ABCA6: variants seen among roughly 807,000 people sequenced by gnomAD.
ABCA6 encodes the protein ATP-binding cassette sub-family A member 6.
Under a neutral mutation model 191.2 loss-of-function variants are expected in ABCA6, and 164 were observed. The ratio of observed to expected loss-of-function variants is 0.86; its 90% CI spans 0.76 to 0.98. The LOEUF is 0.98. Among genes scored for constraint, ABCA6 ranks in the 50% least tolerant of loss-of-function variants. ABCA6 has a pLI of 0.00. For synonymous variants in ABCA6, 636 were observed against 647.7 expected, an observed-to-expected ratio of 0.98 and a Z score of 0.27; for missense variants, 1,958 against 1,894.1, an observed-to-expected ratio of 1.03 and a Z score of -0.63.
chr17:69,083,298 C>T lies in ABCA6; in HGVS notation c.4389G>A (p.Glu1463=), dbSNP rs758022121. The change falls in exon 35 of 39, where the codon GAG becomes GAA. Residue 1463 remains glutamate, a synonymous_variant. Coordinates refer to ENST00000284425, the MANE Select transcript of ABCA6 (RefSeq NM_080284.3). ...QAIQAVVKNT[E]RGVLLTTHNL... The stretch of plus-strand genomic sequence containing the variant: ...TATGGGTGGTCAGGAGGACACCTCT[C>T]TCTGTGTTTTTAACGACTGCCTGGA... 2 of 1,602,794 alleles carry T rather than the reference C, an allele frequency of 1.2e-6. No homozygotes were observed. The highest frequency in any genetic ancestry group is 1.8e-5 in the Admixed American group (1 of 56,156).
intron 7 of ABCA6, 26 bp downstream of exon 7, chr17:69,129,584 A>C (rs1192096225): frequency 6.4e-7 from 1 of 1,552,526 alleles, no homozygotes; most frequent in Non-Finnish European, 8.8e-7. Context: ...AAAGCAGAGA[A>C]AGTGGTAATA....
intron 13 of ABCA6, 102 bp from the exon 14 acceptor site, chr17:69,113,839 A>C: frequency 1.0e-6 from 1 of 961,920 alleles, no homozygotes; most frequent in East Asian, 2.9e-5. Context: ...GCCATCAGAG[A>C]AATGCAAATC....
At chr17:69,105,935 G>A in intron 19 of ABCA6, 93 bp downstream of exon 19, 1 of 1,347,326 alleles carries the variant, frequency 7.4e-7, no homozygotes, top group Non-Finnish European at 1.0e-6. Context: ...TGGCAGGAAT[G>A]TCAGATATTG....
chr17:69,136,238 A>G lies in ABCA6; in HGVS notation c.314T>C (p.Ile105Thr), dbSNP rs978412661. 3.2e-6 allele frequency: 5 copies of G among 1,565,590 alleles called. No individual in the cohort carries two copies. Among genetic ancestry groups the G allele is most frequent in the Non-Finnish European group, 3.5e-6 (4 of 1,156,526 alleles). The change falls in exon 4 of 39, where the codon ATT becomes ACT. Residue 105 changes from isoleucine (I) to threonine (T), a missense_variant. Ile to Thr is a moderately conservative substitution (Grantham distance 89). Coordinates refer to ENST00000284425, the MANE Select transcript of ABCA6 (RefSeq NM_080284.3). Reference sequence around the variant, plus strand: ...CATGTGTGTTTTATTTGGTGCCCCAATGACACTTGTTCCTGTGAATTACAA... The same window carrying G: ...CATGTGTGTTTTATTTGGTGCCCCAGTGACACTTGTTCCTGTGAATTACAA... ...LAPLLKGTSVIGAPNKTHMDE... is the reference protein window; with the variant it reads ...LAPLLKGTSVTGAPNKTHMDE...
intron 7 of ABCA6, among the ~76,000 whole-genome samples, chr17:69,129,040 A>G (rs1488989442): frequency 6.6e-6 from 1 of 152,132 alleles, no homozygotes; most frequent in Non-Finnish European, 1.5e-5. Flanking sequence ...GTGGGGGAAA[A>G]GCTGGAATGA....
rs753896538 is a variant in ABCA6 at position 69,140,682 on chromosome 17, C to T, written c.22G>A (p.Val8Met). The change falls in exon 2 of 39, where the codon GTG (valine) becomes ATG (methionine). Residue 8 changes from valine (V) to methionine (M), a missense_variant. By Grantham distance (21) the Val-to-Met change is conservative. Transcript: ENST00000284425. MNMKQKS[V>M]YQQTKALLCK... ...AGAAGTGCTTTGGTTTGCTGATACA[C>T]GCTTTTCTGTTTCATATTCATTTAG... 8.8e-5 allele frequency: 141 copies of T among 1,597,192 alleles called. No individual in the cohort carries two copies. Among genetic ancestry groups the T allele is most frequent in the South Asian group, 2.5e-4 (22 of 88,096 alleles).
chr17:69,085,757 A>G (rs2072771478), intron 30 of ABCA6, 41 bp from the exon 31 acceptor site: 1 of 1,352,252 alleles, frequency 7.4e-7, no homozygotes, highest in Non-Finnish European at 1.1e-6. Context: ...GAAGTGAAAT[A>G]CTGAACAACA....
chr17:69,139,705 C>T (rs905587212), intron 2 of ABCA6, among the ~76,000 whole-genome samples: 15 of 151,966 alleles, frequency 9.9e-5, no homozygotes, highest in African/African-American at 2.2e-4. Flanking sequence ...CCCAAATGTC[C>T]GACAATGATA....
At chr17:69,128,997 A>G (rs997462137) in intron 7 of ABCA6, among the ~76,000 whole-genome samples, 193 bp from the exon 8 acceptor site, 10 of 152,220 alleles carry the variant, frequency 6.6e-5, no homozygotes, top group African/African-American at 2.2e-4. Context: ...TGTTTGTCCT[A>G]CTCAAATGCC....
intron 23 of ABCA6, among the ~76,000 whole-genome samples, chr17:69,097,112 G>A (rs1264491073): frequency 6.6e-6 from 1 of 152,140 alleles, no homozygotes; most frequent in Non-Finnish European, 1.5e-5. Context: ...AATAAGTATT[G>A]GCCAGCATGG....
intron 11 of ABCA6, among the ~76,000 whole-genome samples, chr17:69,116,102 C>A (rs1049402843): frequency 6.6e-6 from 1 of 151,984 alleles, no homozygotes; most frequent in Admixed American, 6.6e-5. Flanking sequence ...AGCAATACAC[C>A]CACTTCGGGA....
Position 69,102,877 on chromosome 17 carries a change from G to T in ABCA6, c.2832C>A (p.Gly944=), listed in dbSNP as rs1214221188. 1.3e-6 allele frequency: 2 copies of T among 1,598,446 alleles called. No homozygotes were observed. The highest frequency in any genetic ancestry group is 3.5e-5 in the Admixed American group (2 of 56,602). ...CTATGATAGCTCCATTGTATGAGAGGCCATCAGTACCATTTCTGTTTTCAA... is the reference window on the plus strand; with the variant it reads ...CTATGATAGCTCCATTGTATGAGAGTCCATCAGTACCATTTCTGTTTTCAA... ...DDFENRNGTD[G]LSYNGAIIVS... The change falls in exon 21 of 39, where the codon GGC becomes GGA. Residue 944 remains glycine (G), a synonymous_variant. Coordinates refer to ENST00000284425, the MANE Select transcript of ABCA6 (RefSeq NM_080284.3).
chr17:69,087,394 T>C lies in ABCA6; in HGVS notation c.3778A>G (p.Ile1260Val), dbSNP rs748006070. ...GTGGTCAGAGCAGTGGCTGTTCTTA[T>C]TCTTTCTGTTTGAATATCTTCATCT... ...DEDEDIQTER[I>V]RTATALTTSI... Residue 1260 changes from isoleucine (I) to valine (V), a missense_variant, in exon 29 of 39, where the codon ATA becomes GTA. Physicochemically the swap from Ile to Val is conservative, Grantham distance 29. Coordinates refer to ENST00000284425, the MANE Select transcript of ABCA6 (RefSeq NM_080284.3). 3 of 1,613,994 alleles carry C rather than the reference T, an allele frequency of 1.9e-6. No individual in the cohort carries two copies. The East Asian group carries it at 6.7e-5, about 36-fold the overall frequency.
At chr17:69,127,106 A>G (rs2073767999) in intron 8 of ABCA6, among the ~76,000 whole-genome samples, 1 of 152,176 alleles carries the variant, frequency 6.6e-6, no homozygotes, top group Non-Finnish European at 1.5e-5. Flanking sequence ...GTGTAGCAAA[A>G]TTAATATTGC....
At chr17:69,096,944 G>T in intron 23 of ABCA6, 143 bp from the exon 24 acceptor site, 1 of 634,984 alleles carries the variant, frequency 1.6e-6, no homozygotes. Context: ...TGCATATACT[G>T]CTTAGTAACA....
rs79181003 is a variant in ABCA6 at position 69,090,736 on chromosome 17, T to C, written c.3528+407A>G. 5.1e-3 allele frequency among the ~76,000 whole-genome samples: 772 copies of C among 152,320 alleles called. 4 individuals carry two copies. Among genetic ancestry groups the C allele is most frequent in the Middle Eastern group, 0.034 (10 of 294 alleles). Reference sequence around the variant, plus strand: ...TGATATATATTTTTGAATGATTGAATGGAATCGCATATGAGTTTATCCTCA... The same window carrying C: ...TGATATATATTTTTGAATGATTGAACGGAATCGCATATGAGTTTATCCTCA... On this transcript the variant is annotated intron_variant, in intron 26 of 38. Transcript: ENST00000284425.
intron 30 of ABCA6, 56 bp downstream of exon 30, chr17:69,086,562 T>C: frequency 8.9e-7 from 1 of 1,129,798 alleles, no homozygotes; most frequent in Non-Finnish European, 1.3e-6. Context: ...ATGACATAGA[T>C]GTTCGGTAGG....
chr17:69,114,759 T>C lies in ABCA6; in HGVS notation c.1782+3A>G. On this transcript the variant is annotated splice_donor_region_variant and intron_variant, in intron 13 of 38. Coordinates refer to ENST00000284425, the MANE Select transcript of ABCA6 (RefSeq NM_080284.3). ...GTCAGTTAATCCAAGCATGCCCTCC[T>C]ACCTCTTGTTCCACTTCCTTTAGAT... The C allele has an allele frequency of 6.2e-7, 1 of 1,606,564 alleles. No individual in the cohort carries two copies. The highest frequency in any genetic ancestry group is 8.5e-7 in the Non-Finnish European group (1 of 1,176,706).
chr17:69,087,212 C>A (rs2072819708), intron 29 of ABCA6, 141 bp downstream of exon 29: 4 of 1,045,288 alleles, frequency 3.8e-6, no homozygotes, highest in Non-Finnish European at 5.4e-6. Context: ...TATGCAGATA[C>A]TTCTTTGGAG....
Sources: gnomAD v4.1 joint callset for allele counts (sites outside exome capture counted in the v4.1 genomes callset) on GRCh38, gnomAD v4.1.1 for gene constraint, MANE v1.5 for transcripts, NCBI Gene and HGNC (gene_info 2026-07-23, HGNC 2026-07-21) for gene names.